Variants in CNTN4 observed in about 807,000 individuals in gnomAD.
CNTN4 encodes the protein contactin-4.
A neutral mutation model predicts 122.5 loss-of-function variants in CNTN4; 77 were observed. The observed-to-expected ratio is 0.63, with a 90% CI of 0.52 to 0.76. The LOEUF (loss-of-function observed/expected upper bound fraction) is 0.76. Ranked by LOEUF, CNTN4 falls within the 30% of genes least tolerant of loss-of-function variation. The pLI is 0.00. For missense variants in CNTN4, 1,256 were observed against 1,259.1 expected, an observed-to-expected ratio of 1.00 and a Z score of 0.04; for synonymous variants, 512 against 447.0, an observed-to-expected ratio of 1.15 and a Z score of -1.83.
intron 6 of CNTN4, among the ~76,000 whole-genome samples, chr3:2,770,154 C>T (rs1016027168): frequency 2.0e-5 from 3 of 152,016 alleles, no homozygotes; most frequent in Non-Finnish European, 4.4e-5. Flanking sequence ...CTCAGCCTCC[C>T]GAGTAGCTGG....
intron 6 of CNTN4, among the ~76,000 whole-genome samples, chr3:2,779,652 C>A (rs1410199847): frequency 6.6e-6 from 1 of 152,128 alleles, no homozygotes. Context: ...CATTTAATTT[C>A]CTCAAAAGCT....
At chr3:2,558,059 A>G (rs1251736540) in intron 3 of CNTN4, among the ~76,000 whole-genome samples, 1 of 152,210 alleles carries the variant, frequency 6.6e-6, no homozygotes, top group Non-Finnish European at 1.5e-5. Context: ...TAAAAACAAA[A>G]AGATATTAAA....
intron 7 of CNTN4, among the ~76,000 whole-genome samples, chr3:2,823,899 A>G (rs901710689): frequency 6.6e-6 from 1 of 152,154 alleles, no homozygotes; most frequent in Non-Finnish European, 1.5e-5. Flanking sequence ...GAAATTTGAT[A>G]AAAAGGTAAA....
chr3:2,731,268 A>G (rs1222557610), intron 4 of CNTN4, among the ~76,000 whole-genome samples: 1 of 152,120 alleles, frequency 6.6e-6, no homozygotes, highest in Non-Finnish European at 1.5e-5. Context: ...TTGTTGAAGC[A>G]TGAAAGCAGA....
intron 3 of CNTN4, among the ~76,000 whole-genome samples, chr3:2,502,416 C>G (rs2076620070): frequency 6.6e-6 from 1 of 152,074 alleles, no homozygotes; most frequent in Non-Finnish European, 1.5e-5. Flanking sequence ...GAGGTACTTT[C>G]TTGCACAATT....
intron 2 of CNTN4, among the ~76,000 whole-genome samples, chr3:2,262,642 T>G (rs555248360): frequency 8.6e-5 from 13 of 151,710 alleles, no homozygotes; most frequent in African/African-American, 3.1e-4. Context: ...TTTTTTTTTT[T>G]GCAAATATGC....
At chr3:2,789,109 A>G (rs1248903327) in intron 6 of CNTN4, among the ~76,000 whole-genome samples, 1 of 152,172 alleles carries the variant, frequency 6.6e-6, no homozygotes, top group Non-Finnish European at 1.5e-5. Flanking sequence ...TAATGAAATG[A>G]TCTCGGGAGC....
intron 13 of CNTN4, among the ~76,000 whole-genome samples, chr3:2,929,825 G>C (rs2094504520): frequency 1.3e-5 from 2 of 152,186 alleles, no homozygotes; most frequent in African/African-American, 4.8e-5. Flanking sequence ...CACATGGACT[G>C]AGAATGGGAC....
intron 2 of CNTN4, among the ~76,000 whole-genome samples, chr3:2,314,191 A>G (rs1323930189): frequency 6.6e-6 from 1 of 151,974 alleles, no homozygotes; most frequent in Non-Finnish European, 1.5e-5. Flanking sequence ...TTGCCAAAGA[A>G]CATGAAGTTT....
chr3:2,796,421 A>G (rs756785673), intron 6 of CNTN4, among the ~76,000 whole-genome samples: 2 of 152,166 alleles, frequency 1.3e-5, no homozygotes, highest in African/African-American at 2.4e-5. Context: ...ATCTAAAAAT[A>G]TCACTTGATT....
chr3:2,273,088 A>G (rs918809330), intron 2 of CNTN4, among the ~76,000 whole-genome samples: 6 of 152,362 alleles, frequency 3.9e-5, no homozygotes, highest in East Asian at 1.9e-4. Flanking sequence ...TGTTTCTGCC[A>G]TATTAAAATC....
At chr3:2,603,238 G>A (rs529254019) in intron 4 of CNTN4, among the ~76,000 whole-genome samples, 1 of 152,180 alleles carries the variant, frequency 6.6e-6, no homozygotes, top group South Asian at 2.1e-4. Context: ...TTTCCCATAT[G>A]CCAAACATGG....
At chr3:2,268,152 T>G (rs535281783) in intron 2 of CNTN4, among the ~76,000 whole-genome samples, 2 of 152,144 alleles carry the variant, frequency 1.3e-5, no homozygotes. Flanking sequence ...TAAATGTGCA[T>G]TTGCATAGCT....
chr3:2,509,065 A>G (rs1271050078), intron 3 of CNTN4, among the ~76,000 whole-genome samples: 3 of 152,246 alleles, frequency 2.0e-5, no homozygotes, highest in Admixed American at 6.5e-5. Context: ...AATCAAAGTA[A>G]TTACCAGGCA....
intron 6 of CNTN4, among the ~76,000 whole-genome samples, chr3:2,816,117 G>A (rs2092721489): frequency 1.3e-5 from 2 of 152,048 alleles, no homozygotes; most frequent in Admixed American, 1.3e-4. Context: ...CACTTTGGGA[G>A]GCCAAGGCAG....
chr3:2,800,131 T>G (rs1403762956), intron 6 of CNTN4, among the ~76,000 whole-genome samples: 2 of 151,652 alleles, frequency 1.3e-5, no homozygotes, highest in African/African-American at 2.4e-5. Context: ...TTCCACAGGT[T>G]GCTTTATTGG....
intron 4 of CNTN4, among the ~76,000 whole-genome samples, chr3:2,685,742 C>A (rs1259761202): frequency 1.3e-5 from 2 of 151,932 alleles, no homozygotes; most frequent in Admixed American, 6.6e-5. Context: ...TTTTTCCTTG[C>A]TAGATTAAAG....
intron 4 of CNTN4, among the ~76,000 whole-genome samples, chr3:2,639,588 C>T (rs1195944223): frequency 6.6e-6 from 1 of 152,156 alleles, no homozygotes; most frequent in Non-Finnish European, 1.5e-5. Context: ...TTAATAAATT[C>T]TTCAAGGGCA....
At chr3:2,954,543 G>A (rs2094779363) in intron 13 of CNTN4, among the ~76,000 whole-genome samples, 1 of 151,816 alleles carries the variant, frequency 6.6e-6, no homozygotes, top group Non-Finnish European at 1.5e-5. Flanking sequence ...CTTCTCGGTG[G>A]TTCAGAGAAC....
Sources: allele counts gnomAD v4.1 joint callset (sites outside exome capture counted in the v4.1 genomes callset), GRCh38; gene constraint gnomAD v4.1.1; transcripts MANE v1.5; gene names NCBI Gene and HGNC (gene_info 2026-07-23, HGNC 2026-07-21).